The following KDM4B variants were observed in gnomAD, a reference collection of about 807,000 sequenced individuals.
KDM4B encodes the protein lysine demethylase 4B, also known as lysine-specific demethylase 4B.
KDM4B carries 32 observed loss-of-function variants against 125.2 expected under a neutral mutation model. The ratio of observed to expected loss-of-function variants is 0.26; its 90% CI spans 0.19 to 0.34. The LOEUF is 0.34. Among genes scored for constraint, KDM4B ranks in the 10% least tolerant of loss-of-function variants. The pLI is 1.00. For missense variants in KDM4B, 1,190 were observed against 1,577.7 expected (o/e 0.75, Z 4.16); for synonymous variants, 721 against 677.9 (o/e 1.06, Z -0.99).
chr19:5,084,171 C>G (rs545327264), intron 9 of KDM4B, among the ~76,000 whole-genome samples: 5 of 151,312 alleles, frequency 3.3e-5, no homozygotes, highest in Non-Finnish European at 7.4e-5. Flanking sequence ...CACTTGAACC[C>G]GGGAGGTGGA....
intron 10 of KDM4B, chr19:5,111,539 G>A: frequency 1.3e-6 from 1 of 763,898 alleles, no homozygotes; most frequent in Non-Finnish European, 2.4e-6. Flanking sequence ...CATGCCCAGA[G>A]TGAAGGCGAG....
intron 1 of KDM4B, among the ~76,000 whole-genome samples, chr19:4,969,539 C>T (rs1262315870): frequency 6.6e-6 from 1 of 150,818 alleles, no homozygotes; most frequent in African/African-American, 2.4e-5. Flanking sequence ...TGGGCACAGA[C>T]GGCCCCGGCG....
intron 8 of KDM4B, chr19:5,077,838 G>A (rs1027297939): frequency 8.1e-6 from 2 of 246,314 alleles, no homozygotes; most frequent in African/African-American, 2.2e-5. Flanking sequence ...CCCTCGTCCC[G>A]TGCAAGGTGG....
At chr19:5,024,536 T>G (rs575558241) in intron 2 of KDM4B, among the ~76,000 whole-genome samples, 2 of 150,874 alleles carry the variant, frequency 1.3e-5, no homozygotes, top group African/African-American at 4.9e-5. Flanking sequence ...ACAGCCGGGG[T>G]GGGGCCGCCC....
chr19:5,144,773 C>T lies in KDM4B; in HGVS notation c.2902-10C>T, dbSNP rs1482132197. On this transcript the variant is annotated splice_polypyrimidine_tract_variant and intron_variant, in intron 20 of 22. Transcript: ENST00000159111. The stretch of plus-strand genomic sequence containing the variant: ...GCCAGGACCTCACCTCCCACCTCTT[C>T]TCCCTGCAGAGTAGGGACTGTGTCC... 3 of 1,613,460 alleles carry T rather than the reference C, an allele frequency of 1.9e-6. No homozygotes were observed. The highest frequency in any genetic ancestry group is 2.5e-6 in the Non-Finnish European group (3 of 1,179,968).
At chr19:5,101,290 GT>G in intron 9 of KDM4B, among the ~76,000 whole-genome samples, 1 of 146,444 alleles carries the variant, frequency 6.8e-6, no homozygotes, top group Non-Finnish European at 1.5e-5. Context: ...TTTTTTGATA[GT>G]TTATTTTGAT....
At chr19:5,059,407 G>A (rs555289260) in intron 6 of KDM4B, among the ~76,000 whole-genome samples, 5 of 152,236 alleles carry the variant, frequency 3.3e-5, no homozygotes, top group East Asian at 3.9e-4. Flanking sequence ...CCGAGGGCTC[G>A]GGCCGCTTGT....
chr19:5,139,649 TTGTGTTC>T (rs1406187961), intron 18 of KDM4B, among the ~76,000 whole-genome samples: 1 of 152,216 alleles, frequency 6.6e-6, no homozygotes, highest in African/African-American at 2.4e-5. Context: ...ATGGTTTGAT[TTGTGTTC>T]TCCTGGCGGT....
chr19:5,091,198 G>A (rs1164406891), intron 9 of KDM4B, among the ~76,000 whole-genome samples: 1 of 152,206 alleles, frequency 6.6e-6, no homozygotes, highest in Non-Finnish European at 1.5e-5. Flanking sequence ...TGGTAGATAA[G>A]GGTCTCTCCT....
At position 5,082,057 on chromosome 19, in the gene KDM4B, G is replaced by C. The variant is rs549631373; in HGVS notation, c.781-310G>C. On this transcript the variant is annotated intron_variant, in intron 8 of 22. Coordinates refer to ENST00000159111, the MANE Select transcript of KDM4B (RefSeq NM_015015.3). The surrounding 1 kb of genome is among the most constrained non-coding windows in gnomAD (Gnocchi z 5.4). ...GTGTCCAGCCACGGCTCCATCTGCG[G>C]TTCTCCCACTGGGGTGATGCTGACG... Among the ~76,000 whole-genome samples the C allele has an allele frequency of 6.6e-6, 1 of 152,310 alleles. No homozygotes were observed. Among genetic ancestry groups the C allele is most frequent in the East Asian group, 1.9e-4 (1 of 5,162 alleles).
intron 1 of KDM4B, among the ~76,000 whole-genome samples, chr19:4,987,899 T>G (rs1465115674): frequency 1.3e-5 from 2 of 152,146 alleles, no homozygotes; most frequent in Admixed American, 6.5e-5. Context: ...AGGATAGGCC[T>G]GGCTGGTGGG....
intron 2 of KDM4B, among the ~76,000 whole-genome samples, chr19:5,019,100 GCA>G (rs201999908): frequency 2.8e-5 from 4 of 145,340 alleles, no homozygotes; most frequent in Admixed American, 2.7e-4. Flanking sequence ...ACGTTGGTGT[GCA>G]GGTGTTGGTG....
At chr19:5,028,740 C>T (rs2036359171) in intron 2 of KDM4B, among the ~76,000 whole-genome samples, 1 of 152,176 alleles carries the variant, frequency 6.6e-6, no homozygotes, top group Non-Finnish European at 1.5e-5. Context: ...CCCACAGTGT[C>T]ACCGTCTGTC....
In KDM4B at chr19:5,035,880, T is replaced by TGTGTGTGTGCGCGCGC. The variant is rs58219404; in HGVS notation, c.141+2850_141+2851insTGTGTGTGCGCGCGCG. Among the ~76,000 whole-genome samples the TGTGTGTGTGCGCGCGC allele has an allele frequency of 1.0e-4, 14 of 136,504 alleles. No homozygotes were observed. Among genetic ancestry groups the TGTGTGTGTGCGCGCGC allele is most frequent in the South Asian group, 7.4e-4 (3 of 4,056 alleles). 89.6% of individuals were successfully genotyped at this position (136,504 alleles called of 152,430 possible). On this transcript the variant is annotated intron_variant, in intron 3 of 22. Transcript: ENST00000159111. The surrounding 1 kb of genome is among the most constrained non-coding windows in gnomAD (Gnocchi z 5.3). ...ACGTGTCTCTGTGTGTGTGTGTGTG[T>TGTGTGTGTGCGCGCGC]GCGCGCGCGCGCGCGCCTGCGCGCA...
At chr19:5,129,787 C>T (rs2039510980) in intron 11 of KDM4B, among the ~76,000 whole-genome samples, 4 of 152,346 alleles carry the variant, frequency 2.6e-5, no homozygotes, top group Admixed American at 6.5e-5. Context: ...CCAGATGGAG[C>T]AGGCAGGGCC....
intron 6 of KDM4B, among the ~76,000 whole-genome samples, chr19:5,056,881 C>T (rs1440159022): frequency 1.6e-5 from 2 of 123,772 alleles, no homozygotes; most frequent in Admixed American, 7.8e-5. Context: ...GGGGCGGGGA[C>T]GCTGGGGCGG....
intron 9 of KDM4B, among the ~76,000 whole-genome samples, chr19:5,095,574 T>C (rs1200658948): frequency 6.6e-6 from 1 of 152,194 alleles, no homozygotes; most frequent in East Asian, 1.9e-4. Context: ...CACTGAGAGC[T>C]GGGGGCCCAC....
At chr19:5,064,078 G>T (rs1381685259) in intron 6 of KDM4B, among the ~76,000 whole-genome samples, 3 of 152,240 alleles carry the variant, frequency 2.0e-5, no homozygotes, top group Non-Finnish European at 2.9e-5. Context: ...TGGGTCACAG[G>T]CCGGGGCCAC....
rs193032643 is a variant in KDM4B at position 5,148,954 on chromosome 19, G to A, written c.3022-1404G>A. ...ACATCCCCGAGAGATGTGTGCTGTC[G>A]TCCCAGGACACGGCCCAGAGGCAAC... On this transcript the variant is annotated intron_variant, in intron 21 of 22. Coordinates refer to ENST00000159111, the MANE Select transcript of KDM4B (RefSeq NM_015015.3). Among the ~76,000 whole-genome samples the A allele has an allele frequency of 2.3e-3, 354 of 152,310 alleles. 1 individual carries two copies. Among genetic ancestry groups the A allele is most frequent in the African/African-American group, 8.2e-3 (339 of 41,576 alleles).
Sources: gnomAD v4.1 joint callset for allele counts (sites outside exome capture counted in the v4.1 genomes callset) on GRCh38, gnomAD v4.1.1 for gene constraint, Gnocchi (gnomAD v3.1) non-coding constraint, MANE v1.5 for transcripts, NCBI Gene and HGNC (gene_info 2026-07-23, HGNC 2026-07-21) for gene names.